The following FSTL5 variants were observed in gnomAD, a reference collection of about 807,000 sequenced individuals.
FSTL5 encodes the protein follistatin like 5.
Under a neutral mutation model 89.1 loss-of-function variants are expected in FSTL5, and 62 were observed. That is an observed-to-expected ratio of 0.70 (90% CI 0.57 to 0.86). The LOEUF (loss-of-function observed/expected upper bound fraction) is 0.86. Among genes scored for constraint, FSTL5 ranks in the 40% least tolerant of loss-of-function variants. The probability of loss-of-function intolerance (pLI) is 0.00; values close to 1 mark genes in which losing one functional copy is unlikely to be tolerated. For missense variants in FSTL5, 1,057 were observed against 1,001.6 expected (o/e 1.06, Z -0.75); for synonymous variants, 383 against 346.2 (o/e 1.11, Z -1.18).
chr4:162,002,126 T>C (rs1037342350), intron 3 of FSTL5, among the ~76,000 whole-genome samples: 3 of 152,204 alleles, frequency 2.0e-5, no homozygotes, highest in Admixed American at 1.3e-4. Flanking sequence ...TGGACTCTAC[T>C]ATAAACTGAA....
At chr4:161,650,978 A>G (rs1419016038) in intron 7 of FSTL5, among the ~76,000 whole-genome samples, 1 of 152,156 alleles carries the variant, frequency 6.6e-6, no homozygotes, top group African/African-American at 2.4e-5. Context: ...CACATCCAAA[A>G]CAGTTCCGCA....
chr4:162,084,821 T>G (rs1730245934), intron 2 of FSTL5, among the ~76,000 whole-genome samples: 1 of 151,976 alleles, frequency 6.6e-6, no homozygotes. Flanking sequence ...ATACCTAATG[T>G]ACATGATGGG....
chr4:161,696,567 C>G (rs1434371845), intron 6 of FSTL5, among the ~76,000 whole-genome samples: 1 of 152,126 alleles, frequency 6.6e-6, no homozygotes, highest in South Asian at 2.1e-4. Context: ...AATATTGATT[C>G]TACCTATCCA....
At chr4:161,591,519 A>G (rs1733820859) in intron 7 of FSTL5, among the ~76,000 whole-genome samples, 1 of 146,724 alleles carries the variant, frequency 6.8e-6, no homozygotes, top group Non-Finnish European at 1.5e-5. Flanking sequence ...GAATACTTAA[A>G]TCCAAAAAAA....
chr4:161,890,660 C>T (rs1732957906), intron 4 of FSTL5, among the ~76,000 whole-genome samples: 1 of 144,290 alleles, frequency 6.9e-6, no homozygotes, highest in Admixed American at 7.2e-5. Flanking sequence ...TGCACTCCAG[C>T]CTGGGCAGCA....
intron 4 of FSTL5, among the ~76,000 whole-genome samples, chr4:161,819,268 CA>C (rs1166557407): frequency 2.0e-5 from 3 of 151,862 alleles, no homozygotes; most frequent in African/African-American, 7.2e-5. Context: ...TTTCAGTATT[CA>C]TGGAAAACTA....
chr4:162,097,627 G>T (rs980585401), intron 2 of FSTL5, among the ~76,000 whole-genome samples: 9 of 151,712 alleles, frequency 5.9e-5, no homozygotes, highest in Non-Finnish European at 1.0e-4. Flanking sequence ...ACTTAAAAAT[G>T]AAAAGAAAAG....
chr4:161,517,936 G>A (rs1300379091), intron 10 of FSTL5, among the ~76,000 whole-genome samples: 1 of 152,186 alleles, frequency 6.6e-6, no homozygotes, highest in Non-Finnish European at 1.5e-5. Flanking sequence ...TGGATAAAGT[G>A]TAATCTGTAA....
intron 15 of FSTL5, among the ~76,000 whole-genome samples, chr4:161,397,548 CTA>C (rs1731047549): frequency 6.6e-6 from 1 of 150,836 alleles, no homozygotes; most frequent in Non-Finnish European, 1.5e-5. Flanking sequence ...AAAATGATAT[CTA>C]TATCGATGAA....
At chr4:161,537,226 A>C (rs1358466702) in intron 10 of FSTL5, among the ~76,000 whole-genome samples, 1 of 152,184 alleles carries the variant, frequency 6.6e-6, no homozygotes, top group Admixed American at 6.6e-5. Flanking sequence ...TTGTTCAAAC[A>C]CTGGATTCAG....
chr4:161,747,036 TTG>T (rs1030327974), intron 6 of FSTL5, among the ~76,000 whole-genome samples: 5 of 152,198 alleles, frequency 3.3e-5, no homozygotes, highest in Non-Finnish European at 5.9e-5. Context: ...TCTTTTTCCA[TTG>T]CCCCTTGAGA....
At chr4:161,420,453 G>C (rs925446235) in intron 15 of FSTL5, among the ~76,000 whole-genome samples, 1 of 152,116 alleles carries the variant, frequency 6.6e-6, no homozygotes, top group Non-Finnish European at 1.5e-5. Context: ...GATTTAAAGA[G>C]AGGGTTGTTT....
At chr4:161,920,336 T>C in intron 4 of FSTL5, 68 bp downstream of exon 4, 1 of 1,504,130 alleles carries the variant, frequency 6.6e-7, no homozygotes, top group Non-Finnish European at 9.0e-7. Context: ...TTGCTAGAGT[T>C]TAAAGGCACT....
chr4:161,877,960 TTC>T (rs1288299185), intron 4 of FSTL5, among the ~76,000 whole-genome samples: 7 of 147,484 alleles, frequency 4.7e-5, no homozygotes, highest in African/African-American at 1.7e-4. Flanking sequence ...GGCACCAATA[TTC>T]TGTTTTTTAG....
chr4:162,156,125 C>T (rs930940813), intron 1 of FSTL5, among the ~76,000 whole-genome samples: 1 of 152,042 alleles, frequency 6.6e-6, no homozygotes, highest in Non-Finnish European at 1.5e-5. Flanking sequence ...AGAAGACATA[C>T]AAACATGAAA....
chr4:161,772,454 C>T (rs184625341), intron 5 of FSTL5, among the ~76,000 whole-genome samples: 7 of 151,990 alleles, frequency 4.6e-5, no homozygotes, highest in East Asian at 3.9e-4. Context: ...AAACTCTTAA[C>T]GACTCATCCA....
Position 161,455,087 on chromosome 4 carries a change from G to C in FSTL5, c.1758C>G (p.Ile586Met), listed in dbSNP as rs1436541460. 10 of 1,612,816 alleles carry C rather than the reference G, an allele frequency of 6.2e-6. No individual in the cohort carries two copies. Among genetic ancestry groups the C allele is most frequent in the Non-Finnish European group, 6.8e-6 (8 of 1,179,436 alleles). Residue 586 changes from isoleucine to methionine, a missense_variant, in exon 15 of 16, where the codon ATC (isoleucine) becomes ATG (methionine). Ile to Met is a conservative substitution (Grantham distance 10). This residue lies in a region of FSTL5 where 980 missense variants were observed against 903.2 expected (regional missense o/e 1.08). Transcript: ENST00000306100. ...LASGNVPHHT[I>M]HTQPVGKQFD... ...ATTGCTTTCCCACTGGTTGGGTGTG[G>C]ATCGTGTGGTGAGGCACATTCCCAC...
chr4:161,999,626 T>C (rs1736403725), intron 3 of FSTL5, among the ~76,000 whole-genome samples: 1 of 152,202 alleles, frequency 6.6e-6, no homozygotes, highest in Non-Finnish European at 1.5e-5. Context: ...ATACCTTACA[T>C]ATATGTAAAT....
intron 13 of FSTL5, among the ~76,000 whole-genome samples, chr4:161,466,186 A>G (rs1733742343): frequency 6.6e-6 from 1 of 152,176 alleles, no homozygotes; most frequent in Non-Finnish European, 1.5e-5. Flanking sequence ...AGGATACTCA[A>G]TTTACTTACA....
Sources: gnomAD v4.1 joint callset for allele counts (sites outside exome capture counted in the v4.1 genomes callset) on GRCh38, gnomAD v4.1.1 for gene constraint, gnomAD v4.1.1 regional missense constraint, MANE v1.5 for transcripts, NCBI Gene and HGNC (gene_info 2026-07-23, HGNC 2026-07-21) for gene names.